Variants in MALT1 observed in about 807,000 individuals in gnomAD.
The protein encoded by MALT1 is mucosa-associated lymphoid tissue lymphoma translocation protein 1.
In MALT1, 36 loss-of-function variants were observed where a neutral mutation model predicts 85.5. That is an observed-to-expected ratio of 0.42 (90% CI 0.32 to 0.56). The LOEUF is 0.56. Among genes scored for constraint, MALT1 ranks in the 20% least tolerant of loss-of-function variants. MALT1 has a pLI of 0.10. For missense variants in MALT1, 716 were observed against 981.6 expected, an observed-to-expected ratio of 0.73 and a Z score of 3.62; for synonymous variants, 359 against 361.3, an observed-to-expected ratio of 0.99 and a Z score of 0.07.
At chr18:58,685,924 T>A (rs888850187) in intron 2 of MALT1, among the ~76,000 whole-genome samples, 1 of 152,176 alleles carries the variant, frequency 6.6e-6, no homozygotes, top group African/African-American at 2.4e-5. Context: ...TTTTTTTTTT[T>A]AGATCTTATT....
intron 1 of MALT1, chr18:58,672,257 C>T (rs2054175178): frequency 3.1e-5 from 5 of 162,660 alleles, no homozygotes; most frequent in Admixed American, 1.3e-4. Context: ...TCTGGGAGAC[C>T]TAAGGAAGGC....
intron 1 of MALT1, among the ~76,000 whole-genome samples, chr18:58,676,628 C>T (rs1445849133): frequency 9.9e-5 from 15 of 152,224 alleles, no homozygotes; most frequent in Non-Finnish European, 2.9e-5. Flanking sequence ...TCTACATCTG[C>T]TCAGTGTTAC....
chr18:58,696,884 A>T, intron 3 of MALT1, among the ~76,000 whole-genome samples: 1 of 152,216 alleles, frequency 6.6e-6, no homozygotes, highest in Non-Finnish European at 1.5e-5. Context: ...TAAGAATTCC[A>T]CATCACTGTT....
chr18:58,693,165 A>G (rs12964576), intron 2 of MALT1, among the ~76,000 whole-genome samples: 37,516 of 152,166 alleles, frequency 0.25, 4,714 homozygotes, highest in Middle Eastern at 0.34. Context: ...TGGTGTCTAT[A>G]ATCCCACCAC....
intron 2 of MALT1, among the ~76,000 whole-genome samples, chr18:58,683,885 CTT>C (rs1317930261): frequency 6.6e-6 from 1 of 152,034 alleles, no homozygotes; most frequent in African/African-American, 2.4e-5. Context: ...TTAATTTTCT[CTT>C]CAGTACATTT....
chr18:58,746,198 T>C (rs2055364950), intron 16 of MALT1, among the ~76,000 whole-genome samples: 1 of 152,112 alleles, frequency 6.6e-6, no homozygotes, highest in African/African-American at 2.4e-5. Flanking sequence ...TTTAAAACTT[T>C]TTGTGGAGAA....
intron 10 of MALT1, among the ~76,000 whole-genome samples, chr18:58,732,000 G>C (rs1172529341): frequency 6.6e-6 from 1 of 152,102 alleles, no homozygotes; most frequent in African/African-American, 2.4e-5. Flanking sequence ...TCGAAATTCA[G>C]AAAAAGCAGA....
intron 10 of MALT1, among the ~76,000 whole-genome samples, chr18:58,725,258 G>T (rs1461507595): frequency 6.6e-6 from 1 of 152,158 alleles, no homozygotes; most frequent in Non-Finnish European, 1.5e-5. Flanking sequence ...GGAGGCAGAG[G>T]TTGCAGTGAA....
chr18:58,692,893 A>C (rs1286261664), intron 2 of MALT1, among the ~76,000 whole-genome samples: 1 of 152,218 alleles, frequency 6.6e-6, no homozygotes, highest in Non-Finnish European at 1.5e-5. Context: ...AGAAAGTTAT[A>C]GTAGTCTGGA....
intron 10 of MALT1, among the ~76,000 whole-genome samples, chr18:58,732,762 C>CTATATATATATATATATAT (rs879522631): frequency 0.058 from 8,733 of 150,504 alleles, 873 homozygotes; most frequent in African/African-American, 0.2. Context: ...ATCCTAGCTG[C>CTATATATATATATATATAT]ATTCTTTTTT....
rs538183197 is a variant in MALT1, at chr18:58,748,645, T to C, written c.*803T>C. On this transcript the variant is annotated 3_prime_UTR_variant, in exon 17 of 17. Transcript: ENST00000649217. ...TAGCTGCCTATCAGAATTTCCCAAATATTTAGCATCTTCCTTGATAATATG... is the reference window on the plus strand; with the variant it reads ...TAGCTGCCTATCAGAATTTCCCAAACATTTAGCATCTTCCTTGATAATATG... 71 of 191,510 alleles carry C rather than the reference T, an allele frequency of 3.7e-4. 1 individual carries two copies. In the East Asian group the frequency reaches 4.3e-3, roughly 12 times the overall value. 11.9% of individuals were successfully genotyped at this position (191,510 alleles called of 1,614,324 possible).
rs2055417028 is a variant in MALT1 at position 58,749,417 on chromosome 18, C to T, written c.*1575C>T. ...GAAATTCAAACCCCATCCAGCTGGC[C>T]CCGGAGCCAGAGCTTCTTGTACTAC... is the stretch of plus-strand genomic sequence containing the variant. On this transcript the variant is annotated 3_prime_UTR_variant, in exon 17 of 17. Transcript: ENST00000649217. 4 of 215,618 alleles carry T rather than the reference C, an allele frequency of 1.9e-5. No homozygotes were observed. The highest frequency in any genetic ancestry group is 2.8e-5 in the Non-Finnish European group (3 of 107,086). The allele number at this position is 215,618 out of a possible 1,614,324, so 13.4% of individuals were successfully genotyped here.
intron 4 of MALT1, among the ~76,000 whole-genome samples, chr18:58,702,267 G>A (rs1042317784): frequency 6.6e-6 from 1 of 150,616 alleles, no homozygotes; most frequent in African/African-American, 2.4e-5. Flanking sequence ...ACCTGTAGTC[G>A]CAGCAACTCA....
intron 2 of MALT1, among the ~76,000 whole-genome samples, chr18:58,689,702 T>G (rs1044351887): frequency 1.3e-5 from 2 of 152,090 alleles, no homozygotes; most frequent in African/African-American, 4.8e-5. Context: ...GGTACCTAAT[T>G]TAGAGACATT....
chr18:58,685,387 G>A (rs913747882), intron 2 of MALT1, among the ~76,000 whole-genome samples: 2 of 152,140 alleles, frequency 1.3e-5, no homozygotes, highest in African/African-American at 2.4e-5. Context: ...TCCAAGTGAC[G>A]GTGGAACAAC....
chr18:58,731,110 C>T (rs2055142790), intron 10 of MALT1, among the ~76,000 whole-genome samples: 1 of 152,148 alleles, frequency 6.6e-6, no homozygotes, highest in Non-Finnish European at 1.5e-5. Flanking sequence ...CACCACCACA[C>T]TTAGCTGGAT....
chr18:58,692,445 C>CTCTCTCTCTCTCTCTCTCTCTCTCT (rs1568129469), intron 2 of MALT1, among the ~76,000 whole-genome samples: 6 of 28,420 alleles, frequency 2.1e-4, no homozygotes, highest in East Asian at 2.0e-3. Flanking sequence ...TCACTCTCTC[C>CTCTCTCTCTCTCTCTCTCTCTCTCT]CTCCCTCCCT....
chr18:58,690,731 C>T (rs937590937), intron 2 of MALT1: 9 of 203,646 alleles, frequency 4.4e-5, no homozygotes, highest in South Asian at 1.1e-4. Context: ...CTTTCACCAG[C>T]GTTGCCGCCT....
intron 2 of MALT1, among the ~76,000 whole-genome samples, chr18:58,683,532 A>G (rs1168130460): frequency 6.6e-6 from 1 of 152,176 alleles, no homozygotes; most frequent in Non-Finnish European, 1.5e-5. Flanking sequence ...AGTTTCCCAT[A>G]TGTGAAACCG....
Sources: gnomAD v4.1 joint callset for allele counts (sites outside exome capture counted in the v4.1 genomes callset) on GRCh38, gnomAD v4.1.1 for gene constraint, MANE v1.5 for transcripts, NCBI Gene and HGNC (gene_info 2026-07-23, HGNC 2026-07-21) for gene names.